The following SMARCA4 variants were observed in gnomAD, a reference collection of about 807,000 sequenced individuals.
SMARCA4 encodes the protein SWI/SNF related BAF chromatin remodeling complex subunit ATPase 4.
A neutral mutation model predicts 193.9 loss-of-function variants in SMARCA4; 31 were observed. The ratio of observed to expected loss-of-function variants is 0.16; its 90% CI spans 0.12 to 0.22. The LOEUF (loss-of-function observed/expected upper bound fraction) is 0.22. SMARCA4 is among the 10% of genes least tolerant of loss of function. The pLI is 1.00. For synonymous variants in SMARCA4, 942 were observed against 933.1 expected (o/e 1.01, Z -0.17); for missense variants, 1,148 against 2,296.0 (o/e 0.50, Z 10.22).
chr19:11,024,471 A>G (rs749625769), intron 21 of SMARCA4, 33 bp downstream of exon 21: 8 of 1,399,270 alleles, frequency 5.7e-6, no homozygotes, highest in Non-Finnish European at 6.1e-6. Flanking sequence ...TGCATTCCCC[A>G]CTGGGTGTCC....
chr19:11,048,496 T>C (rs937884093), intron 30 of SMARCA4, among the ~76,000 whole-genome samples: 2 of 152,242 alleles, frequency 1.3e-5, no homozygotes, highest in Non-Finnish European at 2.9e-5. Flanking sequence ...CTGGCATCTG[T>C]GTAGACCTGA....
At chr19:11,057,704 G>C (rs2076623192) in intron 30 of SMARCA4, among the ~76,000 whole-genome samples, 1 of 151,930 alleles carries the variant, frequency 6.6e-6, no homozygotes, top group Non-Finnish European at 1.5e-5. Context: ...GCTCCAGTCT[G>C]GCGACAGAAC....
chr19:11,041,583 C>CG lies in SMARCA4; in HGVS notation c.4424+28dup, dbSNP rs1568528852. 1.2e-6 allele frequency: 2 copies of CG among 1,607,984 alleles called. No individual in the cohort carries two copies. Among genetic ancestry groups the CG allele is most frequent in the Admixed American group, 1.7e-5 (1 of 59,964 alleles). On this transcript the variant is annotated intron_variant, in intron 30 of 34. Coordinates refer to ENST00000344626, the MANE Select transcript of SMARCA4 (RefSeq NM_003072.5). The surrounding 1 kb of genome is among the most constrained non-coding windows in gnomAD (Gnocchi z 5.6). ...CAGGTAAGCGAGGAGGCGGGGAGGG[C>CG]GGGGGCTGTAGGGGTCCCCGTGGGA...
At chr19:10,965,448 A>T (rs577762369) in intron 1 of SMARCA4, 1 of 152,382 alleles carries the variant, frequency 6.6e-6, no homozygotes, top group African/African-American at 2.4e-5. Flanking sequence ...TGACACAGAT[A>T]ATATACTTTT....
intron 6 of SMARCA4, 111 bp downstream of exon 6, chr19:10,988,035 A>T: frequency 8.8e-7 from 1 of 1,133,922 alleles, no homozygotes; most frequent in Non-Finnish European, 1.3e-6. Flanking sequence ...TGTGCCCACC[A>T]CTGCCACTTG....
At chr19:11,050,498 G>A (rs1031814363) in intron 30 of SMARCA4, among the ~76,000 whole-genome samples, 7 of 152,238 alleles carry the variant, frequency 4.6e-5, no homozygotes, top group African/African-American at 1.2e-4. Context: ...GGGAGGGGAC[G>A]ATGGTCCCTA....
intron 1 of SMARCA4, among the ~76,000 whole-genome samples, chr19:10,969,844 TC>T (rs2084537196): frequency 6.6e-6 from 1 of 150,754 alleles, no homozygotes; most frequent in African/African-American, 2.4e-5. Flanking sequence ...GAAATTAAAG[TC>T]ATTATCAGAC....
intron 1 of SMARCA4, among the ~76,000 whole-genome samples, chr19:10,968,315 G>A (rs984439800): frequency 6.6e-6 from 1 of 152,108 alleles, no homozygotes; most frequent in African/African-American, 2.4e-5. Flanking sequence ...TCCCAGACTG[G>A]TTTCCAGAGC....
intron 16 of SMARCA4, among the ~76,000 whole-genome samples, chr19:11,013,907 C>T (rs777381453): frequency 3.3e-5 from 5 of 152,118 alleles, no homozygotes; most frequent in African/African-American, 4.8e-5. Context: ...TCCCTGCAAA[C>T]AGAGTCCGCC....
chr19:11,037,712 C>G (rs1188110857), intron 29 of SMARCA4, among the ~76,000 whole-genome samples: 2 of 151,914 alleles, frequency 1.3e-5, no homozygotes, highest in Non-Finnish European at 2.9e-5. Flanking sequence ...TCCAAGGTCA[C>G]GAAGACTTGC....
chr19:11,045,318 T>TA (rs34095104), intron 30 of SMARCA4, among the ~76,000 whole-genome samples: 10,118 of 144,328 alleles, frequency 0.07, 410 homozygotes, highest in Non-Finnish European at 0.098. Flanking sequence ...GGACTCCGTC[T>TA]AAAAAAAAAA....
At chr19:10,981,749 G>A (rs2085567785) in intron 1 of SMARCA4, among the ~76,000 whole-genome samples, 1 of 152,054 alleles carries the variant, frequency 6.6e-6, no homozygotes, top group African/African-American at 2.4e-5. Flanking sequence ...GTCCAGGCTG[G>A]AGGATCCCTT....
In SMARCA4 at chr19:10,986,174, G is replaced by T. The variant is rs2145770046; in HGVS notation, c.356-15G>T. Reference sequence around the variant, plus strand: ...TATGCTGCCGAGTGACCAGTGGGCTGACCTTTCTCTGCAGGTTACCCCTCG... The same window carrying T: ...TATGCTGCCGAGTGACCAGTGGGCTTACCTTTCTCTGCAGGTTACCCCTCG... On this transcript the variant is annotated splice_polypyrimidine_tract_variant and intron_variant, in intron 3 of 34. Transcript: ENST00000344626. The surrounding 1 kb of genome is among the most constrained non-coding windows in gnomAD (Gnocchi z 6.7). 1 of 1,606,370 alleles carries T rather than the reference G, an allele frequency of 6.2e-7. No individual in the cohort carries two copies. The highest frequency in any genetic ancestry group is 2.2e-5 in the East Asian group (1 of 44,826).
At chr19:11,008,108 A>G (rs2146197945) in intron 14 of SMARCA4, 85 bp downstream of exon 14, 1 of 1,424,368 alleles carries the variant, frequency 7.0e-7, no homozygotes. Context: ...AGCCATCCCT[A>G]GCTGACATTC....
At chr19:10,966,247 G>T (rs1200377589) in intron 1 of SMARCA4, among the ~76,000 whole-genome samples, 1 of 151,938 alleles carries the variant, frequency 6.6e-6, no homozygotes, top group African/African-American at 2.4e-5. Flanking sequence ...GCCTCCCAAA[G>T]TGCTGGGATT....
rs1555757586 is a variant in SMARCA4 at position 10,991,206 on chromosome 19, C to T, written c.1302C>T (p.Leu434=). ...GGGACACAGCGCTGGAGACAGCCCT[C>T]AATGCTAAGGCCTACAAGCGCAGCA... is the stretch of plus-strand genomic sequence containing the variant. ...MRRDTALETA[L]NAKAYKRSKR... The change falls in exon 8 of 35, where the codon CTC becomes CTT. Residue 434 remains leucine, a synonymous_variant. Coordinates refer to ENST00000344626, the MANE Select transcript of SMARCA4 (RefSeq NM_003072.5). The T allele has an allele frequency of 6.2e-7, 1 of 1,613,948 alleles. No individual in the cohort carries two copies. Among genetic ancestry groups the T allele is most frequent in the South Asian group, 1.1e-5 (1 of 91,068 alleles).
intron 7 of SMARCA4, 34 bp downstream of exon 7, chr19:10,989,477 G>A (rs1279682574): frequency 1.2e-6 from 2 of 1,612,468 alleles, no homozygotes. Context: ...TTTCCGAAAA[G>A]GGCCTTTGTC....
intron 29 of SMARCA4, chr19:11,039,326 C>G: frequency 1.9e-6 from 1 of 538,194 alleles, no homozygotes; most frequent in Non-Finnish European, 3.3e-6. Context: ...TGCACTCCAG[C>G]CTGGGCGACA....
intron 18 of SMARCA4, among the ~76,000 whole-genome samples, chr19:11,020,006 C>T (rs1186529104): frequency 6.6e-6 from 1 of 152,242 alleles, no homozygotes; most frequent in Non-Finnish European, 1.5e-5. Context: ...CCTGACCCGC[C>T]TACAGAGTCC....
Sources: allele counts gnomAD v4.1 joint callset (sites outside exome capture counted in the v4.1 genomes callset), GRCh38; gene constraint gnomAD v4.1.1; non-coding constraint Gnocchi (gnomAD v3.1); transcripts MANE v1.5; gene names NCBI Gene and HGNC (gene_info 2026-07-23, HGNC 2026-07-21).